CADM3: variants seen among roughly 807,000 people sequenced by gnomAD.
The protein encoded by CADM3 is TSLC1-like 1.
In CADM3, 11 loss-of-function variants were observed where a neutral mutation model predicts 44.9. The ratio of observed to expected loss-of-function variants is 0.25; its 90% CI spans 0.15 to 0.41. The LOEUF is 0.41. CADM3 is among the 10% of genes least tolerant of loss of function. The pLI, the probability that CADM3 is intolerant of heterozygous loss-of-function variation, is 1.00. For missense variants in CADM3, 426 were observed against 512.0 expected (o/e 0.83, Z 1.62); for synonymous variants, 207 against 205.2 (o/e 1.01, Z -0.08).
intron 7 of CADM3, 64 bp downstream of exon 7, chr1:159,197,124 T>A (rs1333646770): frequency 5.2e-6 from 8 of 1,533,438 alleles, no homozygotes; most frequent in African/African-American, 2.7e-5. Context: ...TTCCCTTTTT[T>A]AAAATGCTTC....
In CADM3 at chr1:159,201,701, G is replaced by A; in HGVS notation, c.*779G>A. On this transcript the variant is annotated 3_prime_UTR_variant, in exon 9 of 9. Coordinates refer to ENST00000368125, the MANE Select transcript of CADM3 (RefSeq NM_001127173.3). Reference sequence around the variant, plus strand: ...TCCCCCCGGAAATGAACAAAGCCGGGCCCTTTCCATAGGAACTGCCCTTGG... The same window carrying A: ...TCCCCCCGGAAATGAACAAAGCCGGACCCTTTCCATAGGAACTGCCCTTGG... The A allele has an allele frequency of 6.6e-6, 1 of 152,558 alleles. No homozygotes were observed. Among genetic ancestry groups the A allele is most frequent in the Non-Finnish European group, 1.5e-5 (1 of 68,086 alleles). The allele number at this position is 152,558 out of a possible 1,614,324, so 9.5% of individuals were successfully genotyped here.
chr1:159,177,642 C>T (rs1649075869), intron 1 of CADM3, among the ~76,000 whole-genome samples: 1 of 152,128 alleles, frequency 6.6e-6, no homozygotes. Flanking sequence ...CCTGTTCCAC[C>T]ACAAACACAT....
At chr1:159,181,276 A>G (rs1649223155) in intron 1 of CADM3, among the ~76,000 whole-genome samples, 1 of 152,242 alleles carries the variant, frequency 6.6e-6, no homozygotes, top group East Asian at 1.9e-4. Flanking sequence ...GTTTAAGAGG[A>G]CAACTAAGAG....
intron 1 of CADM3, among the ~76,000 whole-genome samples, chr1:159,187,177 G>T (rs1289274323): frequency 6.6e-6 from 1 of 152,206 alleles, no homozygotes; most frequent in Non-Finnish European, 1.5e-5. Context: ...TACATGCTCT[G>T]CCTGATTAAC....
intron 7 of CADM3, among the ~76,000 whole-genome samples, chr1:159,199,344 G>C (rs575546959): frequency 6.6e-6 from 1 of 150,684 alleles, no homozygotes; most frequent in East Asian, 2.0e-4. Flanking sequence ...GGCAGGAGGA[G>C]AGAGGAAAGA....
chr1:159,193,336 GC>G (rs1441683271), intron 3 of CADM3, 86 bp from the exon 4 acceptor site: 5 of 1,358,576 alleles, frequency 3.7e-6, no homozygotes, highest in Non-Finnish European at 5.0e-6. Flanking sequence ...ACCCAGGTAC[GC>G]AGAGAAGCCA....
chr1:159,172,327 C>T (rs931307861), intron 1 of CADM3, among the ~76,000 whole-genome samples: 9 of 152,064 alleles, frequency 5.9e-5, no homozygotes, highest in Admixed American at 5.9e-4. Flanking sequence ...CCAGTGCAAT[C>T]CCCCAAACTG....
intron 1 of CADM3, among the ~76,000 whole-genome samples, chr1:159,184,050 G>T (rs899450739): frequency 6.6e-6 from 1 of 152,192 alleles, no homozygotes; most frequent in Non-Finnish European, 1.5e-5. Context: ...GAAGTGGTCT[G>T]ATTTCTTCCA....
At chr1:159,174,790 A>C (rs1212524625) in intron 1 of CADM3, among the ~76,000 whole-genome samples, 1 of 152,180 alleles carries the variant, frequency 6.6e-6, no homozygotes, top group Non-Finnish European at 1.5e-5. Context: ...TTTGGAGGAC[A>C]TAAGTCCTGT....
Position 159,193,436 on chromosome 1 carries a change from G to A in CADM3, c.396G>A (p.Lys132=), listed in dbSNP as rs1649751330. 6.2e-7 allele frequency: 1 copy of A among 1,600,048 alleles called. No individual in the cohort carries two copies. The highest frequency in any genetic ancestry group is 8.5e-7 in the Non-Finnish European group (1 of 1,170,676). Residue 132 remains lysine, a synonymous_variant, in exon 4 of 9, where the codon AAG becomes AAA. Coordinates refer to ENST00000368125, the MANE Select transcript of CADM3 (RefSeq NM_001127173.3). ...SLVTVLGIPQ[K]PIITGYKSSL... ...TATCCATGGCAGGAATTCCACAGAA[G>A]CCCATCATCACTGGTTATAAATCTT...
intron 7 of CADM3, 78 bp from the exon 8 acceptor site, chr1:159,199,673 C>T (rs3027001): frequency 0.21 from 334,939 of 1,598,090 alleles, 38,894 homozygotes; most frequent in Non-Finnish European, 0.24. Flanking sequence ...CTGTGTAAGA[C>T]TATTCATGGC....
chr1:159,199,630 C>A, intron 7 of CADM3, 121 bp from the exon 8 acceptor site: 2 of 1,273,610 alleles, frequency 1.6e-6, no homozygotes, highest in South Asian at 1.2e-5. Context: ...AATGACACTG[C>A]TCCATTTTCC....
At chr1:159,174,491 G>C (rs1028807521) in intron 1 of CADM3, among the ~76,000 whole-genome samples, 1 of 152,180 alleles carries the variant, frequency 6.6e-6, no homozygotes, top group East Asian at 1.9e-4. Flanking sequence ...ATACTCTTAT[G>C]GTGATGTTTG....
In CADM3 at chr1:159,200,882, G is replaced by C. The variant is rs781083964; in HGVS notation, c.1157G>C (p.Gly386Ala). The change falls in exon 9 of 9, where the codon GGG becomes GCG. Residue 386 changes from glycine to alanine, a missense_variant. Around this residue, in one of 2 missense-constraint regions of CADM3, gnomAD observed 362 missense variants for 474.6 expected, o/e 0.76. Transcript: ENST00000368125. ...ACGGCCATCATCAATGCAGAAGGCG[G>C]GCAGTCAGGAGGGGACGACAAGAAG... ...ADTAIINAEG[G>A]QSGGDDKKEY... The C allele has an allele frequency of 2.5e-6, 4 of 1,610,148 alleles. No homozygotes were observed. The South Asian group carries it at 4.4e-5, about 18-fold the overall frequency.
chr1:159,195,789 A>G (rs1649866615), intron 5 of CADM3: 1 of 152,362 alleles, frequency 6.6e-6, no homozygotes, highest in Admixed American at 6.5e-5. Flanking sequence ...TTCGGCGTCA[A>G]TGGCAGATGC....
chr1:159,183,770 G>T (rs558399029), intron 1 of CADM3, among the ~76,000 whole-genome samples: 1 of 152,276 alleles, frequency 6.6e-6, no homozygotes, highest in Non-Finnish European at 1.5e-5. Flanking sequence ...ATTATATCGT[G>T]GCCATTAGGG....
chr1:159,175,222 T>G (rs988258245), intron 1 of CADM3, among the ~76,000 whole-genome samples: 5 of 152,244 alleles, frequency 3.3e-5, no homozygotes, highest in Admixed American at 6.5e-5. Flanking sequence ...TAGTTGCAGC[T>G]GTAACTCTTG....
intron 1 of CADM3, among the ~76,000 whole-genome samples, chr1:159,183,679 A>C (rs1241186036): frequency 6.6e-6 from 1 of 152,152 alleles, no homozygotes; most frequent in Non-Finnish European, 1.5e-5. Flanking sequence ...AAAAGGAAAA[A>C]ATAGTATCTG....
intron 5 of CADM3, chr1:159,194,762 T>C (rs994214847): frequency 1.3e-5 from 2 of 152,240 alleles, no homozygotes; most frequent in African/African-American, 4.8e-5. Flanking sequence ...TCACTGTCAT[T>C]ACTCCTGGCC....
Sources: gnomAD v4.1 joint callset for allele counts (sites outside exome capture counted in the v4.1 genomes callset) on GRCh38, gnomAD v4.1.1 for gene constraint, gnomAD v4.1.1 regional missense constraint, MANE v1.5 for transcripts, NCBI Gene and HGNC (gene_info 2026-07-23, HGNC 2026-07-21) for gene names.